EYS: variants seen among roughly 807,000 people sequenced by gnomAD.
The protein encoded by EYS is EGF-like photoreceptor maintenance factor, also known as protein eyes shut homolog.
EYS carries 250 observed loss-of-function variants against 282.1 expected under a neutral mutation model. That is an observed-to-expected ratio of 0.89 (90% CI 0.80 to 0.98). EYS has a LOEUF of 0.98. Among genes scored for constraint, EYS ranks in the 50% least tolerant of loss-of-function variants. The pLI, the probability that EYS is intolerant of heterozygous loss-of-function variation, is 0.00. For synonymous variants in EYS, 1,355 were observed against 1,282.9 expected (o/e 1.06, Z -1.20); for missense variants, 4,016 against 3,709.0 (o/e 1.08, Z -2.15).
intron 1 of EYS, among the ~76,000 whole-genome samples, chr6:65,655,318 T>C (rs562210119): frequency 2.0e-5 from 3 of 151,760 alleles, no homozygotes; most frequent in African/African-American, 7.2e-5. Context: ...GAATATAGTA[T>C]GAAAATGAGG....
chr6:65,369,200 A>G (rs1323102043), intron 8 of EYS, among the ~76,000 whole-genome samples: 8 of 148,892 alleles, frequency 5.4e-5, no homozygotes, highest in Admixed American at 2.1e-4. Flanking sequence ...ACTGAAAAGC[A>G]AAGTTTGTGA....
chr6:64,450,845 C>A (rs1017542275), intron 26 of EYS, among the ~76,000 whole-genome samples: 8 of 152,112 alleles, frequency 5.3e-5, no homozygotes, highest in African/African-American at 1.4e-4. Context: ...ATCTCAGGGA[C>A]ACATTCAAAG....
chr6:64,044,799 G>A (rs750704903), intron 33 of EYS, among the ~76,000 whole-genome samples: 12 of 151,942 alleles, frequency 7.9e-5, no homozygotes, highest in Non-Finnish European at 1.6e-4. Context: ...AAGCTGTTTT[G>A]TTGATTTAGC....
chr6:65,533,350 C>T (rs1035058256), intron 2 of EYS, among the ~76,000 whole-genome samples: 2 of 151,908 alleles, frequency 1.3e-5, no homozygotes, highest in Non-Finnish European at 2.9e-5. Context: ...AACAGCCTAC[C>T]AACCAAAAAA....
chr6:65,220,033 G>A (rs1766420529), intron 12 of EYS, among the ~76,000 whole-genome samples: 1 of 152,008 alleles, frequency 6.6e-6, no homozygotes, highest in African/African-American at 2.4e-5. Flanking sequence ...ATCAATAATT[G>A]TATCTTTCTT....
intron 29 of EYS, among the ~76,000 whole-genome samples, chr6:64,332,331 G>A (rs1770678124): frequency 6.6e-6 from 1 of 152,192 alleles, no homozygotes; most frequent in Admixed American, 6.5e-5. Flanking sequence ...GAAGGCAAAT[G>A]CAAGCCTTAA....
At chr6:64,443,909 A>G (rs1407433750) in intron 26 of EYS, among the ~76,000 whole-genome samples, 4 of 152,212 alleles carry the variant, frequency 2.6e-5, no homozygotes, top group Admixed American at 6.5e-5. Flanking sequence ...GAGTCATTAA[A>G]AAAGATTTCT....
In EYS at chr6:64,137,021, T is replaced by G. The variant is rs144819277; in HGVS notation, c.6425-55019A>C. Among the ~76,000 whole-genome samples the G allele has an allele frequency of 2.2e-3, 330 of 152,304 alleles. 1 individual carries two copies. The highest frequency in any genetic ancestry group is 7.3e-3 in the African/African-American group (304 of 41,580). On this transcript the variant is annotated intron_variant, in intron 31 of 42. Transcript: ENST00000503581. The stretch of plus-strand genomic sequence containing the variant: ...CAATGTACATTGAAAATCCATTGTT[T>G]AGTGTAACGACCTTCATCAATGATC...
At chr6:65,013,749 C>A (rs770958425) in intron 13 of EYS, among the ~76,000 whole-genome samples, 27 of 152,070 alleles carry the variant, frequency 1.8e-4, no homozygotes, top group Non-Finnish European at 2.2e-4. Flanking sequence ...ATAGTCCCAG[C>A]TACTACTTGG....
At chr6:64,598,353 C>T (rs986589543) in intron 24 of EYS, among the ~76,000 whole-genome samples, 1 of 152,044 alleles carries the variant, frequency 6.6e-6, no homozygotes, top group African/African-American at 2.4e-5. Context: ...CCCAGCTACT[C>T]GGGAGGCTGA....
intron 12 of EYS, among the ~76,000 whole-genome samples, chr6:65,082,786 C>A (rs1422210026): frequency 6.8e-6 from 1 of 147,476 alleles, no homozygotes; most frequent in Non-Finnish European, 1.5e-5. Flanking sequence ...TTAATCATAT[C>A]ATAATTTTAA....
intron 26 of EYS, among the ~76,000 whole-genome samples, chr6:64,585,220 G>C (rs909533207): frequency 6.6e-6 from 1 of 152,056 alleles, no homozygotes; most frequent in African/African-American, 2.4e-5. Flanking sequence ...CACAGGAATA[G>C]GAAACCAAAT....
rs1678409210 is a variant in EYS, at chr6:63,720,706, C to T, written c.9325G>A (p.Val3109Ile). Reference sequence around the variant, plus strand: ...AATACAACATCTTTAATTTTGCCAACAAAATTGGTTTTAAAAATCTCTTGA... The same window carrying T: ...AATACAACATCTTTAATTTTGCCAATAAAATTGGTTTTAAAAATCTCTTGA... ...VTQEIFKTNF[V>I]GKIKDVVFFQ... Residue 3109 changes from valine (V) to isoleucine (I), a missense_variant, in exon 43 of 43, where the codon GTT (valine) becomes ATT (isoleucine). Transcript: ENST00000503581. The T allele has an allele frequency of 1.9e-6, 3 of 1,548,322 alleles. No homozygotes were observed. Among genetic ancestry groups the T allele is most frequent in the African/African-American group, 1.4e-5 (1 of 72,860 alleles).
chr6:65,119,032 G>C (rs1332299693), intron 12 of EYS, among the ~76,000 whole-genome samples: 1 of 151,954 alleles, frequency 6.6e-6, no homozygotes, highest in African/African-American at 2.4e-5. Context: ...CTATGTTAAA[G>C]CAAAAGGAAT....
intron 35 of EYS, among the ~76,000 whole-genome samples, chr6:63,957,170 T>C (rs1366523370): frequency 1.0e-5 from 1 of 96,232 alleles, no homozygotes; most frequent in African/African-American, 2.7e-5. Context: ...CTTCTTGTAC[T>C]TAGGAACACT....
In EYS at chr6:64,891,489, C is replaced by A. The variant is rs149715980; in HGVS notation, c.2847-4647G>T. Among the ~76,000 whole-genome samples the A allele has an allele frequency of 5.6e-3, 845 of 152,092 alleles. 8 individuals are homozygous for A. Among genetic ancestry groups the A allele is most frequent in the African/African-American group, 0.019 (778 of 41,478 alleles). On this transcript the variant is annotated intron_variant, in intron 18 of 42. Transcript: ENST00000503581. The stretch of plus-strand genomic sequence containing the variant: ...GTTTTTACTTTGCACTTAACGTTGG[C>A]CCTTCAAAACGTTAAAAAAATAAAA...
At chr6:64,881,460 T>C (rs761667607) in intron 19 of EYS, among the ~76,000 whole-genome samples, 1 of 151,904 alleles carries the variant, frequency 6.6e-6, no homozygotes, top group Non-Finnish European at 1.5e-5. Context: ...GCAAAGGTAA[T>C]CTTATCTGGA....
chr6:64,795,638 G>A (rs984096129), intron 22 of EYS, among the ~76,000 whole-genome samples: 4 of 152,092 alleles, frequency 2.6e-5, no homozygotes, highest in Non-Finnish European at 4.4e-5. Flanking sequence ...TGTAAACATA[G>A]GTGAAATACC....
rs1409350172 is a variant in EYS, at chr6:65,296,100, A to G, written c.1786T>C (p.Tyr596His). Residue 596 changes from tyrosine to histidine, a missense_variant, in exon 12 of 43, where the codon TAC (tyrosine) becomes CAC (histidine). Tyr to His is a moderately conservative substitution (Grantham distance 83). Transcript: ENST00000503581. Reference protein sequence around the residue: ...NRPRCSCSLSYIGRLCVVNVD... With the variant: ...NRPRCSCSLSHIGRLCVVNVD... ...TTGACAACACACAATCTGCCAATGT[A>G]ACTAAGAGAACAGCTGCATCTGAAA... is the stretch of plus-strand genomic sequence containing the variant. The G allele has an allele frequency of 6.5e-7, 1 of 1,548,842 alleles. No individual in the cohort carries two copies. The highest frequency in any genetic ancestry group is 2.0e-5 in the Admixed American group (1 of 50,448).
Sources: allele counts gnomAD v4.1 joint callset (sites outside exome capture counted in the v4.1 genomes callset), GRCh38; gene constraint gnomAD v4.1.1; transcripts MANE v1.5; gene names NCBI Gene and HGNC (gene_info 2026-07-23, HGNC 2026-07-21).